The following ZNF827 variants were observed in gnomAD, a reference collection of about 807,000 sequenced individuals.
The protein encoded by ZNF827 is zinc finger protein 827.
Under a neutral mutation model 102.4 loss-of-function variants are expected in ZNF827, and 13 were observed. The ratio of observed to expected loss-of-function variants is 0.13; its 90% CI spans 0.08 to 0.20. The LOEUF (loss-of-function observed/expected upper bound fraction) is 0.20. Among genes scored for constraint, ZNF827 ranks in the 10% least tolerant of loss-of-function variants. The probability of loss-of-function intolerance (pLI) is 1.00; values close to 1 mark genes in which losing one functional copy is unlikely to be tolerated. For synonymous variants in ZNF827, 523 were observed against 536.2 expected (o/e 0.98, Z 0.34); for missense variants, 1,103 against 1,344.4 (o/e 0.82, Z 2.81).
At chr4:145,764,828 C>T (rs981015554) in intron 13 of ZNF827, 160 bp downstream of exon 13, 12 of 926,568 alleles carry the variant, frequency 1.3e-5, no homozygotes, top group Non-Finnish European at 1.7e-5. Context: ...AGGTCTAATT[C>T]AATCCAGCTA....
At chr4:145,844,693 TAAATAAA>T (rs1400312506) in intron 7 of ZNF827, among the ~76,000 whole-genome samples, 30 of 130,488 alleles carry the variant, frequency 2.3e-4, no homozygotes, top group African/African-American at 8.8e-4. Flanking sequence ...AATAAATAAA[TAAATAAA>T]TAAATAAATA....
intron 7 of ZNF827, among the ~76,000 whole-genome samples, chr4:145,843,355 C>A (rs1745610983): frequency 6.6e-6 from 1 of 152,148 alleles, no homozygotes; most frequent in Non-Finnish European, 1.5e-5. Context: ...GGCAAAAGAT[C>A]TAATTCGGAT....
chr4:145,905,007 G>A (rs1286336757), intron 1 of ZNF827, among the ~76,000 whole-genome samples: 5 of 152,232 alleles, frequency 3.3e-5, no homozygotes, highest in African/African-American at 1.2e-4. Context: ...TGCAAGGCGT[G>A]AGAAGTGACT....
At chr4:145,800,397 A>G (rs1248825999) in intron 8 of ZNF827, among the ~76,000 whole-genome samples, 1 of 151,942 alleles carries the variant, frequency 6.6e-6, no homozygotes, top group East Asian at 1.9e-4. Context: ...TCTGTCGCCA[A>G]GGCTGGAATG....
At chr4:145,883,532 T>A (rs2126812383) in intron 4 of ZNF827, among the ~76,000 whole-genome samples, 1 of 152,284 alleles carries the variant, frequency 6.6e-6, no homozygotes, top group East Asian at 1.9e-4. Flanking sequence ...TTATGCTCCC[T>A]GAGATTGGGT....
At chr4:145,938,218 C>T (rs1344555899) in intron 1 of ZNF827, 147 bp downstream of exon 1, 3 of 912,422 alleles carry the variant, frequency 3.3e-6, no homozygotes, top group South Asian at 1.5e-5. Context: ...TAGACCTAAA[C>T]GAGGAGTAAC....
At chr4:145,903,486 A>G (rs1279997798) in intron 1 of ZNF827, among the ~76,000 whole-genome samples, 4 of 152,246 alleles carry the variant, frequency 2.6e-5, no homozygotes, top group African/African-American at 9.6e-5. Context: ...TCTGGTAAAG[A>G]GGTAATTGGA....
At chr4:145,832,264 CA>C (rs1160794024) in intron 7 of ZNF827, 2 of 150,988 alleles carry the variant, frequency 1.3e-5, no homozygotes, top group Non-Finnish European at 2.9e-5. Context: ...GACCTCGTCT[CA>C]AAAAAACAAA....
chr4:145,864,263 CAT>C (rs1747981693), intron 5 of ZNF827, among the ~76,000 whole-genome samples: 1 of 151,508 alleles, frequency 6.6e-6, no homozygotes, highest in South Asian at 2.1e-4. Context: ...CCCTCTAAAA[CAT>C]AAAATATATA....
chr4:145,880,093 G>A (rs1749536516), intron 4 of ZNF827, among the ~76,000 whole-genome samples: 1 of 152,164 alleles, frequency 6.6e-6, no homozygotes, highest in South Asian at 2.1e-4. Context: ...AAATTAGCTG[G>A]TCATGGTGGC....
At chr4:145,937,754 C>T (rs1294862199) in intron 1 of ZNF827, among the ~76,000 whole-genome samples, 1 of 147,672 alleles carries the variant, frequency 6.8e-6, no homozygotes, top group East Asian at 2.0e-4. Context: ...CCGCCGCCGC[C>T]GCTGCCGCCG....
At position 145,902,147 on chromosome 4, in the gene ZNF827, GA is replaced by G; in HGVS notation, c.1093+18del. 2 of 1,563,800 alleles carry G rather than the reference GA, an allele frequency of 1.3e-6. No homozygotes were observed. Among genetic ancestry groups the G allele is most frequent in the Non-Finnish European group, 1.7e-6 (2 of 1,161,006 alleles). On this transcript the variant is annotated intron_variant, in intron 2 of 14. Transcript: ENST00000508784. This position sits in a 1 kb window ranked among gnomAD's most constrained non-coding sequence, Gnocchi z 4.3. ...AGTCTAAAGGACTTACACGATGATTGAAAGAAAAGATGCCATACCTGAATTG... is the reference window on the plus strand; with the variant it reads ...AGTCTAAAGGACTTACACGATGATTGAAGAAAAGATGCCATACCTGAATTG...
intron 7 of ZNF827, among the ~76,000 whole-genome samples, chr4:145,835,606 C>G (rs891269847): frequency 6.7e-6 from 1 of 150,016 alleles, no homozygotes; most frequent in Non-Finnish European, 1.5e-5. Context: ...GCCTCCTTTG[C>G]GTCCTCCTCT....
At chr4:145,775,694 G>A in intron 10 of ZNF827, 95 bp downstream of exon 10, 4 of 1,446,270 alleles carry the variant, frequency 2.8e-6, no homozygotes, top group Non-Finnish European at 1.9e-6. Context: ...ACTGAGAAAA[G>A]GGGCCTCGTG....
chr4:145,881,544 G>A (rs764553582), intron 4 of ZNF827, among the ~76,000 whole-genome samples: 2 of 152,170 alleles, frequency 1.3e-5, no homozygotes, highest in Non-Finnish European at 2.9e-5. Context: ...CTTGAAAAGG[G>A]TAGTTTTCGG....
chr4:145,904,523 G>A (rs1413186240), intron 1 of ZNF827, among the ~76,000 whole-genome samples: 2 of 152,174 alleles, frequency 1.3e-5, no homozygotes, highest in Non-Finnish European at 2.9e-5. Flanking sequence ...CTTGGAGGAA[G>A]TGAGAAACTG....
intron 11 of ZNF827, among the ~76,000 whole-genome samples, chr4:145,772,437 C>T (rs919841588): frequency 2.6e-5 from 4 of 152,174 alleles, no homozygotes; most frequent in Non-Finnish European, 4.4e-5. Flanking sequence ...ATACTAAATA[C>T]AGGAAACCCT....
intron 5 of ZNF827, among the ~76,000 whole-genome samples, chr4:145,867,135 C>T (rs1055343059): frequency 3.9e-5 from 6 of 152,214 alleles, no homozygotes; most frequent in South Asian, 2.1e-4. Flanking sequence ...AACAAGTAGT[C>T]GCAGACTTCC....
chr4:145,896,160 A>G (rs1326605581), intron 2 of ZNF827, among the ~76,000 whole-genome samples: 1 of 152,244 alleles, frequency 6.6e-6, no homozygotes, highest in African/African-American at 2.4e-5. Context: ...CCGTTGTTGT[A>G]GTAAGAGTAG....
Sources: allele counts gnomAD v4.1 joint callset (sites outside exome capture counted in the v4.1 genomes callset), GRCh38; gene constraint gnomAD v4.1.1; non-coding constraint Gnocchi (gnomAD v3.1); transcripts MANE v1.5; gene names NCBI Gene and HGNC (gene_info 2026-07-23, HGNC 2026-07-21).